BBS4: variants seen among roughly 807,000 people sequenced by gnomAD.
BBS4 encodes the protein Bardet-Biedl syndrome 4.
A neutral mutation model predicts 71.4 loss-of-function variants in BBS4; 58 were observed. The observed-to-expected ratio is 0.81, with a 90% CI of 0.66 to 1.01. The LOEUF (loss-of-function observed/expected upper bound fraction) is 1.01, where lower values mean the gene tolerates loss of function less well. Ranked by LOEUF, BBS4 falls within the 50% of genes least tolerant of loss-of-function variation. The pLI, the probability that BBS4 is intolerant of heterozygous loss-of-function variation, is 0.00. For missense variants in BBS4, 660 were observed against 607.9 expected, an observed-to-expected ratio of 1.09 and a Z score of -0.90; for synonymous variants, 228 against 216.8, an observed-to-expected ratio of 1.05 and a Z score of -0.46.
chr15:72,734,237 G>A (rs1185411329), intron 12 of BBS4, among the ~76,000 whole-genome samples: 1 of 152,120 alleles, frequency 6.6e-6, no homozygotes, highest in Admixed American at 6.6e-5. Context: ...AGATAGCTGG[G>A]TTCTAATGGA....
At chr15:72,697,327 G>C (rs981282425) in intron 2 of BBS4, among the ~76,000 whole-genome samples, 7 of 152,204 alleles carry the variant, frequency 4.6e-5, no homozygotes, top group African/African-American at 1.7e-4. Flanking sequence ...TGAATAAAAA[G>C]CTGTCACATT....
intron 4 of BBS4, among the ~76,000 whole-genome samples, chr15:72,713,355 A>ACG (rs1555499622): frequency 8.4e-6 from 1 of 118,402 alleles, no homozygotes; most frequent in Non-Finnish European, 1.8e-5. Context: ...ACACACGCAC[A>ACG]CGCACGCACG....
intron 2 of BBS4, chr15:72,697,855 T>C: frequency 5.0e-6 from 2 of 402,990 alleles, no homozygotes; most frequent in Non-Finnish European, 1.0e-5. Context: ...TTTGGTATTT[T>C]TGTCCAAATA....
intron 5 of BBS4, among the ~76,000 whole-genome samples, chr15:72,715,757 C>T (rs1156646937): frequency 6.6e-6 from 1 of 152,176 alleles, no homozygotes; most frequent in African/African-American, 2.4e-5. Context: ...ATTTGTCACA[C>T]AGTAAGTTTT....
intron 12 of BBS4, among the ~76,000 whole-genome samples, 191 bp downstream of exon 12, chr15:72,731,917 G>C (rs1376615502): frequency 6.6e-6 from 1 of 152,092 alleles, no homozygotes; most frequent in African/African-American, 2.4e-5. Context: ...TTCTAACTTG[G>C]GGGAGTTTGA....
chr15:72,735,671 C>T, intron 13 of BBS4, 154 bp from the exon 14 acceptor site: 4 of 956,608 alleles, frequency 4.2e-6, no homozygotes, highest in East Asian at 2.4e-5. Context: ...GATTCTTCTC[C>T]ACAGGTCTGC....
At chr15:72,723,727 G>T (rs1056673396) in intron 7 of BBS4, among the ~76,000 whole-genome samples, 3 of 152,072 alleles carry the variant, frequency 2.0e-5, no homozygotes, top group Non-Finnish European at 4.4e-5. Flanking sequence ...AATACATTTA[G>T]TGGGCCCCTT....
In BBS4 at chr15:72,686,252, G is replaced by A. The variant is rs759520211; in HGVS notation, c.24+1G>A. The A allele has an allele frequency of 1.9e-6, 3 of 1,565,592 alleles. No individual in the cohort carries two copies. The highest frequency in any genetic ancestry group is 3.8e-5 in the Admixed American group (2 of 53,210). On this transcript the variant is annotated splice_donor_variant, in intron 1 of 15. Coordinates refer to ENST00000268057, the MANE Select transcript of BBS4 (RefSeq NM_033028.5). LOFTEE classifies it high-confidence loss of function. ...AATGGCTGAGGAGAGAGTCGCGACG[G>A]TGAGCGCCGAGATTCTCTTTAGTTG...
At chr15:72,718,324 T>C (rs1414168925) in intron 6 of BBS4, among the ~76,000 whole-genome samples, 2 of 152,276 alleles carry the variant, frequency 1.3e-5, no homozygotes, top group African/African-American at 4.8e-5. Flanking sequence ...CTTCAATGTC[T>C]CTGATTCTTG....
chr15:72,692,687 T>A (rs1173101314), intron 1 of BBS4, among the ~76,000 whole-genome samples: 1 of 151,594 alleles, frequency 6.6e-6, no homozygotes, highest in African/African-American at 2.4e-5. Context: ...CTCCGCTTCC[T>A]GGGCTTAAGA....
At position 72,736,921 on chromosome 15, in the gene BBS4, C is replaced by A. The variant is rs763417178; in HGVS notation, c.1408C>A (p.Gln470Lys). 1 of 1,614,176 alleles carries A rather than the reference C, an allele frequency of 6.2e-7. No individual in the cohort carries two copies. The highest frequency in any genetic ancestry group is 8.5e-7 in the Non-Finnish European group (1 of 1,180,026). Reference sequence around the variant, plus strand: ...TCTGGGCTCTAATCAAGCTCTAGGACAGGCAATGTCTTCAGCAGCTGCATA... The same window carrying A: ...TCTGGGCTCTAATCAAGCTCTAGGAAAGGCAATGTCTTCAGCAGCTGCATA... ...QPLGSNQALG[Q>K]AMSSAAAYRT... Residue 470 changes from glutamine (Q) to lysine (K), a missense_variant, in exon 15 of 16, where the codon CAG becomes AAG. Transcript: ENST00000268057.
chr15:72,686,422 G>C (rs2064838794), intron 1 of BBS4, 171 bp downstream of exon 1: 18 of 1,534,004 alleles, frequency 1.2e-5, no homozygotes, highest in Non-Finnish European at 1.2e-5. Context: ...TGGTCGCCTG[G>C]GGCAAGTCTG....
chr15:72,707,743 A>G (rs1414937797), intron 2 of BBS4, among the ~76,000 whole-genome samples: 1 of 152,194 alleles, frequency 6.6e-6, no homozygotes, highest in Non-Finnish European at 1.5e-5. Context: ...TTACCACAGA[A>G]AAGTAATTCT....
intron 5 of BBS4, among the ~76,000 whole-genome samples, chr15:72,716,440 A>AAT: frequency 6.6e-6 from 1 of 152,238 alleles, no homozygotes. Flanking sequence ...GTGATGATAA[A>AAT]TGATGGTAGT....
chr15:72,686,339 A>C (rs1567389853), intron 1 of BBS4, 88 bp downstream of exon 1: 2 of 1,544,850 alleles, frequency 1.3e-6, no homozygotes, highest in East Asian at 4.9e-5. Context: ...GTTCCTGGAG[A>C]GAGGCGGAGC....
Position 72,686,398 on chromosome 15 carries a change from A to G in BBS4, c.24+147A>G, listed in dbSNP as rs1222889047. 2.6e-6 allele frequency: 4 copies of G among 1,535,160 alleles called. No homozygotes were observed. In the Admixed American group the frequency reaches 7.9e-5, roughly 30 times the overall value. On this transcript the variant is annotated intron_variant, in intron 1 of 15. Transcript: ENST00000268057. ...GGCGGGGCGACACGGTCCCCTTTTT[A>G]CTGTCCCGGGAACTGGTCGCCTGGG...
Position 72,732,827 on chromosome 15 carries a change from T to C in BBS4, c.1036+1101T>C, listed in dbSNP as rs1234821794. ...GGGTAAATGTGGGCACAATTCTTTATTGTAGTTTTCATGGGTAGAAATGCC... is the reference window on the plus strand; with the variant it reads ...GGGTAAATGTGGGCACAATTCTTTACTGTAGTTTTCATGGGTAGAAATGCC... On this transcript the variant is annotated intron_variant, in intron 12 of 15. Coordinates refer to ENST00000268057, the MANE Select transcript of BBS4 (RefSeq NM_033028.5). 8.5e-5 allele frequency among the ~76,000 whole-genome samples: 13 copies of C among 152,280 alleles called. No homozygotes were observed. The East Asian group carries it at 1.7e-3, about 20-fold the overall frequency.
Position 72,689,780 on chromosome 15 carries a change from TTTTATTTATTTATTTA to T in BBS4, c.24+3561_24+3576del, listed in dbSNP as rs57141334. 2.5e-3 allele frequency among the ~76,000 whole-genome samples: 371 copies of T among 147,654 alleles called. 2 individuals are homozygous for T. The highest frequency in any genetic ancestry group is 0.01 in the Middle Eastern group (3 of 286). ...TTTCATGATTTGTGCTTATAAATCTTTTTATTTATTTATTTATTTATTTATTTATTTATTTATTTAT... is the reference window on the plus strand; with the variant it reads ...TTTCATGATTTGTGCTTATAAATCTTTTTATTTATTTATTTATTTATTTAT... On this transcript the variant is annotated intron_variant, in intron 1 of 15. Transcript: ENST00000268057.
intron 8 of BBS4, among the ~76,000 whole-genome samples, 169 bp from the exon 9 acceptor site, chr15:72,727,771 G>C (rs1206322870): frequency 1.3e-5 from 2 of 152,182 alleles, no homozygotes; most frequent in Non-Finnish European, 2.9e-5. Flanking sequence ...CACCAGGGTT[G>C]AGATGACCTA....
Sources: allele counts gnomAD v4.1 joint callset (sites outside exome capture counted in the v4.1 genomes callset), GRCh38; gene constraint gnomAD v4.1.1; transcripts MANE v1.5; gene names NCBI Gene and HGNC (gene_info 2026-07-23, HGNC 2026-07-21).